Variants in IQCH observed in about 807,000 individuals in gnomAD.
IQCH encodes the protein IQ domain-containing protein H.
A neutral mutation model predicts 117.0 loss-of-function variants in IQCH; 98 were observed. The observed-to-expected ratio is 0.84, with a 90% confidence interval of 0.71 to 0.99. IQCH has a LOEUF of 0.99. Among genes scored for constraint, IQCH ranks in the 50% least tolerant of loss-of-function variants. The pLI, the probability that IQCH is intolerant of heterozygous loss-of-function variation, is 0.00. For missense variants in IQCH, 1,102 were observed against 1,243.8 expected, an observed-to-expected ratio of 0.89 and a Z score of 1.72; for synonymous variants, 412 against 448.2, an observed-to-expected ratio of 0.92 and a Z score of 1.02.
At chr15:67,497,732 C>T (rs559927618) in intron 20 of IQCH, among the ~76,000 whole-genome samples, 15 of 152,194 alleles carry the variant, frequency 9.9e-5, no homozygotes, top group African/African-American at 2.6e-4. Flanking sequence ...CCTCGTGATC[C>T]GCCCGCCTCG....
intron 3 of IQCH, among the ~76,000 whole-genome samples, 171 bp downstream of exon 3, chr15:67,263,387 A>G (rs1344429553): frequency 6.6e-6 from 1 of 152,224 alleles, no homozygotes; most frequent in Non-Finnish European, 1.5e-5. Context: ...GATCAAGTAC[A>G]GTGAACATTG....
chr15:67,410,998 G>A (rs1416259073), intron 14 of IQCH, among the ~76,000 whole-genome samples: 1 of 152,132 alleles, frequency 6.6e-6, no homozygotes, highest in Non-Finnish European at 1.5e-5. Context: ...TCAGAGAGTG[G>A]CTGAGATAAT....
intron 18 of IQCH, among the ~76,000 whole-genome samples, chr15:67,489,706 C>A (rs1268979642): frequency 1.3e-5 from 2 of 151,720 alleles, no homozygotes; most frequent in Non-Finnish European, 2.9e-5. Context: ...AGGTAAAAGA[C>A]AGAGTGCCTG....
chr15:67,258,157 G>T (rs1283799481), intron 1 of IQCH, among the ~76,000 whole-genome samples: 1 of 151,782 alleles, frequency 6.6e-6, no homozygotes, highest in Non-Finnish European at 1.5e-5. Flanking sequence ...ACTTGAACCT[G>T]GGAGGTGGAG....
intron 18 of IQCH, among the ~76,000 whole-genome samples, chr15:67,485,720 G>GTTT (rs2083455595): frequency 6.6e-6 from 1 of 152,110 alleles, no homozygotes; most frequent in African/African-American, 2.4e-5. Flanking sequence ...GTTCAGTGGC[G>GTTT]TGATCTTGGC....
At chr15:67,489,563 G>A (rs887544162) in intron 18 of IQCH, among the ~76,000 whole-genome samples, 32 of 107,276 alleles carry the variant, frequency 3.0e-4, no homozygotes, top group Middle Eastern at 0.01. Flanking sequence ...CGATTCTCCC[G>A]CCTCAGTCTC....
intron 4 of IQCH, among the ~76,000 whole-genome samples, chr15:67,298,590 G>C (rs767587647): frequency 1.1e-4 from 16 of 152,122 alleles, no homozygotes; most frequent in Non-Finnish European, 1.8e-4. Context: ...AATAGGCCAG[G>C]TGTGGTGTCT....
chr15:67,456,879 C>T lies in IQCH; in HGVS notation c.2506-8248C>T, dbSNP rs1380863401. Among the ~76,000 whole-genome samples, 2 of 152,074 alleles carry T rather than the reference C, an allele frequency of 1.3e-5. No individual in the cohort carries two copies. The highest frequency in any genetic ancestry group is 4.8e-5 in the African/African-American group (2 of 41,408). On this transcript the variant is annotated intron_variant, in intron 16 of 20. Coordinates refer to ENST00000335894, the MANE Select transcript of IQCH (RefSeq NM_001031715.3). This position sits in a 1 kb window ranked among gnomAD's most constrained non-coding sequence, Gnocchi z 5.1. ...TCTTACCCCACCCACTCCAAACACC[C>T]CATAGAAGGCAGTGTCCAAGGGGAT...
At chr15:67,308,806 G>A (rs1967439668) in intron 4 of IQCH, among the ~76,000 whole-genome samples, 1 of 152,020 alleles carries the variant, frequency 6.6e-6, no homozygotes, top group Non-Finnish European at 1.5e-5. Flanking sequence ...GTTGGCTGGT[G>A]GATGGCTGTC....
chr15:67,444,808 T>C (rs958383619), intron 16 of IQCH, among the ~76,000 whole-genome samples: 3 of 152,254 alleles, frequency 2.0e-5, no homozygotes, highest in Non-Finnish European at 4.4e-5. Context: ...TCTTTGCTCA[T>C]AGCACAAAAT....
chr15:67,317,394 A>G (rs1046076794), intron 4 of IQCH, among the ~76,000 whole-genome samples: 2 of 151,778 alleles, frequency 1.3e-5, no homozygotes, highest in African/African-American at 4.8e-5. Flanking sequence ...AAGTAGAGAT[A>G]GGGTTTCACC....
chr15:67,338,205 G>GTCTATCTATCTATCTATCTA (rs10528833), intron 5 of IQCH, among the ~76,000 whole-genome samples: 6 of 105,522 alleles, frequency 5.7e-5, no homozygotes, highest in Admixed American at 1.8e-4. Flanking sequence ...ATATCTGTCT[G>GTCTATCTATCTATCTATCTA]TCTATCTATC....
intron 4 of IQCH, among the ~76,000 whole-genome samples, chr15:67,322,053 C>A (rs1027243167): frequency 1.3e-5 from 2 of 152,136 alleles, no homozygotes; most frequent in African/African-American, 4.8e-5. Context: ...TGAGAAGAGG[C>A]TTTTAAAATC....
At chr15:67,446,525 C>G (rs2140979497) in intron 16 of IQCH, among the ~76,000 whole-genome samples, 1 of 152,236 alleles carries the variant, frequency 6.6e-6, no homozygotes, top group East Asian at 1.9e-4. Context: ...CAAAGGGGGC[C>G]TGTTTGTTAA....
chr15:67,450,175 C>A (rs1265308117), intron 16 of IQCH, among the ~76,000 whole-genome samples: 3 of 152,144 alleles, frequency 2.0e-5, no homozygotes, highest in African/African-American at 7.2e-5. Context: ...CAAACAGGGA[C>A]AATTTGACTT....
At position 67,408,543 on chromosome 15, in the gene IQCH, T is replaced by C. The variant is rs2140886727; in HGVS notation, c.2097+8238T>C. On this transcript the variant is annotated intron_variant, in intron 14 of 20. Transcript: ENST00000335894. The surrounding 1 kb of genome is among the most constrained non-coding windows in gnomAD (Gnocchi z 4.2). ...CCTCAAGTGTATGCATCTGTATGTG[T>C]GGAAATATCAAACAAGGCACAGCTC... 1 of 152,344 alleles carries C rather than the reference T, an allele frequency of 6.6e-6. No individual in the cohort carries two copies. 9.4% of individuals were successfully genotyped at this position (152,344 alleles called of 1,614,324 possible). A position where few individuals can be genotyped will look rare whatever the true frequency, so the allele number is the denominator to read the frequency against.
In IQCH at chr15:67,436,929, C is replaced by T. The variant is rs184466845; in HGVS notation, c.2505+15352C>T. Among the ~76,000 whole-genome samples the T allele has an allele frequency of 6.0e-4, 91 of 152,184 alleles. 6 individuals carry two copies. The highest frequency in any genetic ancestry group is 5.8e-3 in the East Asian group (30 of 5,184). ...CAAGGGGAGTCTGAGCTCAGACACG[C>T]GTAGCCCCACCCCCACCTGATGGTC... On this transcript the variant is annotated intron_variant, in intron 16 of 20. Transcript: ENST00000335894. The surrounding 1 kb of genome is among the most constrained non-coding windows in gnomAD (Gnocchi z 5.1).
Position 67,433,206 on chromosome 15 carries a change from T to C in IQCH, c.2505+11629T>C, listed in dbSNP as rs1159695354. ...TCTCCCTTTAAAAGGGCTGTATCTT[T>C]GTGTCAATGAAAGAGACCTATAATA... is the stretch of plus-strand genomic sequence containing the variant. On this transcript the variant is annotated intron_variant, in intron 16 of 20. Transcript: ENST00000335894. This position sits in a 1 kb window ranked among gnomAD's most constrained non-coding sequence, Gnocchi z 5.4. Among the ~76,000 whole-genome samples, 1 of 152,222 alleles carries C rather than the reference T, an allele frequency of 6.6e-6. No homozygotes were observed. The highest frequency in any genetic ancestry group is 2.4e-5 in the African/African-American group (1 of 41,436).
At chr15:67,379,270 G>A (rs1480592425) in intron 10 of IQCH, among the ~76,000 whole-genome samples, 1 of 152,112 alleles carries the variant, frequency 6.6e-6, no homozygotes, top group African/African-American at 2.4e-5. Flanking sequence ...ATGTTTTATA[G>A]CCTTTTCAGA....
Sources: allele counts gnomAD v4.1 joint callset (sites outside exome capture counted in the v4.1 genomes callset), GRCh38; gene constraint gnomAD v4.1.1; non-coding constraint Gnocchi (gnomAD v3.1); transcripts MANE v1.5; gene names NCBI Gene and HGNC (gene_info 2026-07-23, HGNC 2026-07-21).